The following TRAM2 variants were observed in gnomAD, a reference collection of about 807,000 sequenced individuals.
The protein encoded by TRAM2 is translocating chain-associated membrane protein 2.
A neutral mutation model predicts 51.0 loss-of-function variants in TRAM2; 12 were observed. The ratio of observed to expected loss-of-function variants is 0.24; its 90% CI spans 0.15 to 0.38. The LOEUF is 0.38. Among genes scored for constraint, TRAM2 ranks in the 10% least tolerant of loss-of-function variants. The probability of loss-of-function intolerance (pLI) is 1.00; values close to 1 mark genes in which losing one functional copy is unlikely to be tolerated. For missense variants in TRAM2, 361 were observed against 462.0 expected, an observed-to-expected ratio of 0.78 and a Z score of 2.00; for synonymous variants, 175 against 179.4, an observed-to-expected ratio of 0.98 and a Z score of 0.20.
intron 4 of TRAM2, 33 bp downstream of exon 4, chr6:52,515,973 T>A: frequency 6.3e-7 from 1 of 1,597,160 alleles, no homozygotes; most frequent in Non-Finnish European, 8.6e-7. Context: ...TGGTTTGAGC[T>A]CTCCCGCTTC....
rs1766221102 is a variant in TRAM2 at position 52,501,477 on chromosome 6, A to G, written c.*1720T>C. 6.6e-6 allele frequency: 1 copy of G among 152,232 alleles called. No homozygotes were observed. The highest frequency in any genetic ancestry group is 6.5e-5 in the Admixed American group (1 of 15,286). 9.4% of individuals were successfully genotyped at this position (152,232 alleles called of 1,614,324 possible). ...AGAAAGATGACCAGTATTCCAAATG[A>G]CACTACTATTCCTGCACCTACCAAG... On this transcript the variant is annotated 3_prime_UTR_variant, in exon 11 of 11. Coordinates refer to ENST00000182527, the MANE Select transcript of TRAM2 (RefSeq NM_012288.4).
chr6:52,545,756 T>G lies in TRAM2; in HGVS notation c.121-9910A>C, dbSNP rs539787170. Among the ~76,000 whole-genome samples the G allele has an allele frequency of 6.5e-4, 99 of 152,200 alleles. 3 individuals carry two copies. In the South Asian group the frequency reaches 9.8e-3, roughly 15 times the overall value. On this transcript the variant is annotated intron_variant, in intron 1 of 10. Coordinates refer to ENST00000182527, the MANE Select transcript of TRAM2 (RefSeq NM_012288.4). Reference sequence around the variant, plus strand: ...AAAAGACAACAGATCCATCTTAAAATTCCACAGGCCCTGTTCCATAGTCCT... The same window carrying G: ...AAAAGACAACAGATCCATCTTAAAAGTCCACAGGCCCTGTTCCATAGTCCT...
chr6:52,532,990 G>T (rs1461438826), intron 2 of TRAM2, among the ~76,000 whole-genome samples: 1 of 150,162 alleles, frequency 6.7e-6, no homozygotes, highest in Non-Finnish European at 1.5e-5. Flanking sequence ...ATTTTAACTA[G>T]TCACAAAAGG....
At chr6:52,572,079 T>C (rs1179084829) in intron 1 of TRAM2, among the ~76,000 whole-genome samples, 2 of 152,194 alleles carry the variant, frequency 1.3e-5, no homozygotes, top group Admixed American at 6.5e-5. Flanking sequence ...GCTTGACCAG[T>C]AGAAAATCTA....
chr6:52,505,810 C>A, intron 8 of TRAM2, 68 bp from the exon 9 acceptor site: 1 of 1,537,664 alleles, frequency 6.5e-7, no homozygotes, highest in Middle Eastern at 2.3e-4. Flanking sequence ...CCCACTTCTC[C>A]AGAAGAGACC....
chr6:52,530,554 A>C (rs568928555), intron 2 of TRAM2, among the ~76,000 whole-genome samples: 1 of 152,300 alleles, frequency 6.6e-6, no homozygotes, highest in South Asian at 2.1e-4. Context: ...TTGGGCCTCT[A>C]ATCCAATACG....
chr6:52,546,094 A>C (rs1441357681), intron 1 of TRAM2, among the ~76,000 whole-genome samples: 2 of 152,164 alleles, frequency 1.3e-5, no homozygotes, highest in Non-Finnish European at 2.9e-5. Flanking sequence ...CCCCAGGGAA[A>C]ACTTCACCAG....
At chr6:52,523,067 G>A (rs1306200914) in intron 2 of TRAM2, 1 of 531,864 alleles carries the variant, frequency 1.9e-6, no homozygotes, top group African/African-American at 1.9e-5. Flanking sequence ...TTCTTCTTTT[G>A]TCTGAAAGCT....
chr6:52,505,934 G>A (rs1463913403), intron 8 of TRAM2, 98 bp downstream of exon 8: 29 of 1,436,598 alleles, frequency 2.0e-5, no homozygotes, highest in Non-Finnish European at 2.5e-5. Context: ...AGGTAAGCGG[G>A]CAGTGTGCAA....
At chr6:52,559,500 G>C (rs1363027997) in intron 1 of TRAM2, among the ~76,000 whole-genome samples, 1 of 152,198 alleles carries the variant, frequency 6.6e-6, no homozygotes, top group African/African-American at 2.4e-5. Flanking sequence ...TCTGTAAAAA[G>C]GGAGGCACCA....
chr6:52,573,550 AG>A (rs1767715096), intron 1 of TRAM2, among the ~76,000 whole-genome samples: 1 of 152,178 alleles, frequency 6.6e-6, no homozygotes, highest in South Asian at 2.1e-4. Flanking sequence ...ACCTGGGTTC[AG>A]GGGGGAAAAG....
chr6:52,528,028 C>G (rs903337988), intron 2 of TRAM2, among the ~76,000 whole-genome samples: 1 of 152,198 alleles, frequency 6.6e-6, no homozygotes, highest in Non-Finnish European at 1.5e-5. Context: ...GGCCAGAGAG[C>G]TTTGTGGCTG....
chr6:52,524,992 A>T (rs1003680232), intron 2 of TRAM2: 2 of 152,298 alleles, frequency 1.3e-5, no homozygotes, highest in Non-Finnish European at 2.9e-5. Context: ...AAAGGAACAG[A>T]AGAGTCACTT....
At chr6:52,509,464 G>T in intron 5 of TRAM2, 64 bp downstream of exon 5, 1 of 1,536,638 alleles carries the variant, frequency 6.5e-7, no homozygotes, top group Non-Finnish European at 9.0e-7. Flanking sequence ...GCCACACTCC[G>T]CTGGGACAGG....
chr6:52,575,451 A>G (rs1188788414), intron 1 of TRAM2, among the ~76,000 whole-genome samples: 1 of 152,234 alleles, frequency 6.6e-6, no homozygotes, highest in Admixed American at 6.5e-5. Flanking sequence ...AGCACTATCA[A>G]AAAGTGGAGT....
rs747231581 is a variant in TRAM2, at chr6:52,516,718, G to A, written c.204C>T (p.Tyr68=). Residue 68 remains tyrosine, a synonymous_variant, in exon 3 of 11, where the codon TAC becomes TAT. Transcript: ENST00000182527. ...TGACCAGGTCCTTAGGGCCATAGTG[G>A]TAGTGCACGGTCTCACTGTCTGTGG... ...VPTADSETVH[Y]HYGPKDLVTI... 2.5e-6 allele frequency: 4 copies of A among 1,613,768 alleles called. No homozygotes were observed. In the South Asian group the frequency reaches 4.4e-5, roughly 18 times the overall value.
chr6:52,558,553 T>C (rs1372557246), intron 1 of TRAM2, among the ~76,000 whole-genome samples: 1 of 152,234 alleles, frequency 6.6e-6, no homozygotes, highest in Admixed American at 6.5e-5. Flanking sequence ...TAATGTTACA[T>C]GTATTTTACA....
Position 52,556,985 on chromosome 6 carries a change from G to T in TRAM2, c.120+19811C>A, listed in dbSNP as rs147616916. Among the ~76,000 whole-genome samples the T allele has an allele frequency of 2.0e-3, 300 of 151,556 alleles. 1 individual carries two copies. Among genetic ancestry groups the T allele is most frequent in the African/African-American group, 6.9e-3 (285 of 41,342 alleles). Reference sequence around the variant, plus strand: ...GAGGTGGGCAGATCACCTGAGGTCAGGAGTTCGAGACCACCCTGGCCAACA... The same window carrying T: ...GAGGTGGGCAGATCACCTGAGGTCATGAGTTCGAGACCACCCTGGCCAACA... On this transcript the variant is annotated intron_variant, in intron 1 of 10. Transcript: ENST00000182527.
intron 1 of TRAM2, among the ~76,000 whole-genome samples, chr6:52,542,261 G>GT (rs139806290): frequency 0.16 from 14,281 of 89,482 alleles, 1,259 homozygotes; most frequent in East Asian, 0.62. Context: ...GAGATTTTTG[G>GT]GTTTTTTTTT....
Sources: allele counts gnomAD v4.1 joint callset (sites outside exome capture counted in the v4.1 genomes callset), GRCh38; gene constraint gnomAD v4.1.1; transcripts MANE v1.5; gene names NCBI Gene and HGNC (gene_info 2026-07-23, HGNC 2026-07-21).